ZNF804B: variants seen among roughly 807,000 people sequenced by gnomAD.
ZNF804B encodes the protein zinc finger 804B.
A neutral mutation model predicts 101.4 loss-of-function variants in ZNF804B; 80 were observed. That is an observed-to-expected ratio of 0.79 (90% CI 0.66 to 0.95). ZNF804B has a LOEUF of 0.95. ZNF804B is among the 40% of genes least tolerant of loss of function. ZNF804B has a pLI of 0.00. For missense variants in ZNF804B, 1,673 were observed against 1,561.9 expected (o/e 1.07, Z -1.20); for synonymous variants, 622 against 558.8 (o/e 1.11, Z -1.59).
intron 2 of ZNF804B, among the ~76,000 whole-genome samples, chr7:89,227,835 T>A (rs983586486): frequency 6.6e-6 from 1 of 152,238 alleles, no homozygotes; most frequent in African/African-American, 2.4e-5. Context: ...GCTTTCCAGT[T>A]ATTGTGCAGG....
rs1044185739 is a variant in ZNF804B, at chr7:88,942,173, A to G, written c.108+182089A>G. Among the ~76,000 whole-genome samples the G allele has an allele frequency of 9.2e-5, 14 of 151,878 alleles. No homozygotes were observed. In the East Asian group the frequency reaches 2.3e-3, roughly 25 times the overall value. ...TCTTATCTCATATCCTAGACTCTCTATGGTCTTGTATAAAAAAATCCCCAA... is the reference window on the plus strand; with the variant it reads ...TCTTATCTCATATCCTAGACTCTCTGTGGTCTTGTATAAAAAAATCCCCAA... On this transcript the variant is annotated intron_variant, in intron 1 of 3. Transcript: ENST00000333190.
intron 1 of ZNF804B, among the ~76,000 whole-genome samples, chr7:88,760,774 T>G (rs1181133346): frequency 6.6e-6 from 1 of 151,148 alleles, no homozygotes; most frequent in Non-Finnish European, 1.5e-5. Flanking sequence ...TTCATCCAGA[T>G]TATATGAGTT....
chr7:88,857,937 G>T (rs141993786), intron 1 of ZNF804B, among the ~76,000 whole-genome samples: 1 of 139,910 alleles, frequency 7.1e-6, no homozygotes, highest in African/African-American at 2.7e-5. Context: ...GATTTCATGC[G>T]TCAGCCTCCT....
chr7:89,194,594 C>G (rs1175910090), intron 1 of ZNF804B, among the ~76,000 whole-genome samples: 5 of 151,388 alleles, frequency 3.3e-5, no homozygotes, highest in Middle Eastern at 3.4e-3. Flanking sequence ...GCTTGTTTTT[C>G]TCAGGTTTGT....
chr7:88,895,338 G>A (rs928469983), intron 1 of ZNF804B, among the ~76,000 whole-genome samples: 3 of 152,236 alleles, frequency 2.0e-5, no homozygotes, highest in East Asian at 1.9e-4. Context: ...TATAAGCAAG[G>A]AGGAAGGCTA....
chr7:89,209,077 C>A (rs1649357061), intron 1 of ZNF804B, among the ~76,000 whole-genome samples: 1 of 151,778 alleles, frequency 6.6e-6, no homozygotes, highest in Non-Finnish European at 1.5e-5. Context: ...GAAACATCTC[C>A]AAAATAGGCA....
chr7:88,819,173 G>A (rs891306777), intron 1 of ZNF804B, among the ~76,000 whole-genome samples: 2 of 152,126 alleles, frequency 1.3e-5, no homozygotes, highest in Non-Finnish European at 2.9e-5. Flanking sequence ...ACCCAGGCTG[G>A]AATGCAGTGG....
chr7:89,321,256 G>A (rs801827), intron 2 of ZNF804B, among the ~76,000 whole-genome samples: 11,287 of 152,056 alleles, frequency 0.074, 910 homozygotes, highest in African/African-American at 0.2. Context: ...TGAGGCGGGC[G>A]GATCACGAGG....
intron 1 of ZNF804B, among the ~76,000 whole-genome samples, chr7:89,031,046 G>GTGTAAGGAGAAATA (rs1382110674): frequency 5.3e-5 from 8 of 151,968 alleles, no homozygotes; most frequent in Admixed American, 6.6e-5. Context: ...GGGAGGGATA[G>GTGTAAGGAGAAATA]TGTAAGGAGA....
At position 89,285,839 on chromosome 7, in the gene ZNF804B, T is replaced by C. The variant is rs530517190; in HGVS notation, c.250-41505T>C. 1.1e-4 allele frequency among the ~76,000 whole-genome samples: 17 copies of C among 152,308 alleles called. No individual in the cohort carries two copies. The South Asian group carries it at 3.3e-3, about 30-fold the overall frequency. On this transcript the variant is annotated intron_variant, in intron 2 of 3. Transcript: ENST00000333190. ...AAAGATAGACACCAGCTGCCAGTTT[T>C]TGTTTTACAAGAAAACCTGGACAAA...
chr7:89,286,695 C>A (rs1790203525), intron 2 of ZNF804B, among the ~76,000 whole-genome samples: 1 of 152,062 alleles, frequency 6.6e-6, no homozygotes, highest in Admixed American at 6.5e-5. Flanking sequence ...AGAAGCAGTG[C>A]CAGAAAAAGA....
At chr7:88,974,071 G>T (rs974559283) in intron 1 of ZNF804B, among the ~76,000 whole-genome samples, 3 of 151,258 alleles carry the variant, frequency 2.0e-5, no homozygotes, top group Non-Finnish European at 3.0e-5. Flanking sequence ...GATAAAGGTT[G>T]CATAGTCATT....
At chr7:89,190,072 C>T (rs141014346) in intron 1 of ZNF804B, among the ~76,000 whole-genome samples, 194 of 152,088 alleles carry the variant, frequency 1.3e-3, no homozygotes, top group Middle Eastern at 6.8e-3. Flanking sequence ...CCCTCATAAA[C>T]GACTTTGAGG....
At chr7:89,220,340 C>G (rs910960756) in intron 2 of ZNF804B, among the ~76,000 whole-genome samples, 2 of 151,458 alleles carry the variant, frequency 1.3e-5, no homozygotes, top group Non-Finnish European at 3.0e-5. Flanking sequence ...GTGTGCATAA[C>G]AATGACCTCA....
chr7:88,896,717 G>C (rs1399861228), intron 1 of ZNF804B, among the ~76,000 whole-genome samples: 1 of 152,072 alleles, frequency 6.6e-6, no homozygotes, highest in African/African-American at 2.4e-5. Context: ...ATAAATAATT[G>C]GAATGCTAAA....
chr7:89,076,848 G>A (rs1287969877), intron 1 of ZNF804B, among the ~76,000 whole-genome samples: 1 of 152,170 alleles, frequency 6.6e-6, no homozygotes, highest in East Asian at 1.9e-4. Flanking sequence ...AGGATGCTGA[G>A]AGAGTCCCTG....
chr7:88,946,528 C>T (rs555325912), intron 1 of ZNF804B, among the ~76,000 whole-genome samples: 29 of 148,518 alleles, frequency 2.0e-4, no homozygotes, highest in South Asian at 4.3e-4. Flanking sequence ...CGTCGATGTT[C>T]ATCAGGGATA....
chr7:88,759,815 GGGGCGCGGAGCAGGGACGCGC>G lies in ZNF804B; in HGVS notation c.-161_-141del. ...GCTGTCGGCAGCAGGAGCCCCGCACGGGGCGCGGAGCAGGGACGCGCTGCCACCGCCTCCCCCTGCGTCCTG... is the reference window on the plus strand; with the variant it reads ...GCTGTCGGCAGCAGGAGCCCCGCACGTGCCACCGCCTCCCCCTGCGTCCTG... On this transcript the variant is annotated 5_prime_UTR_variant, in exon 1 of 4. Coordinates refer to ENST00000333190, the MANE Select transcript of ZNF804B (RefSeq NM_181646.5). 1 of 617,352 alleles carries G rather than the reference GGGGCGCGGAGCAGGGACGCGC, an allele frequency of 1.6e-6. No individual in the cohort carries two copies. The highest frequency in any genetic ancestry group is 2.8e-5 in the East Asian group (1 of 36,226). The allele number at this position is 617,352 out of a possible 1,614,324, so 38.2% of individuals were successfully genotyped here.
intron 2 of ZNF804B, among the ~76,000 whole-genome samples, chr7:89,276,401 A>G (rs1441605930): frequency 6.6e-6 from 1 of 151,908 alleles, no homozygotes; most frequent in Non-Finnish European, 1.5e-5. Flanking sequence ...ATATAAGTTT[A>G]GTGTTACACT....
Sources: gnomAD v4.1 joint callset for allele counts (sites outside exome capture counted in the v4.1 genomes callset) on GRCh38, gnomAD v4.1.1 for gene constraint, MANE v1.5 for transcripts, NCBI Gene and HGNC (gene_info 2026-07-23, HGNC 2026-07-21) for gene names.